APBB2: variants seen among roughly 807,000 people sequenced by gnomAD.
The protein encoded by APBB2 is amyloid beta precursor protein binding family B member 2.
A neutral mutation model predicts 82.5 loss-of-function variants in APBB2; 38 were observed. That is an observed-to-expected ratio of 0.46 (90% CI 0.36 to 0.60). The LOEUF (loss-of-function observed/expected upper bound fraction) is 0.60, where lower values mean the gene tolerates loss of function less well. APBB2 is among the 20% of genes least tolerant of loss of function. The pLI is 0.00. For synonymous variants in APBB2, 341 were observed against 368.2 expected (o/e 0.93, Z 0.85); for missense variants, 772 against 972.3 (o/e 0.79, Z 2.74).
intron 5 of APBB2, among the ~76,000 whole-genome samples, chr4:41,025,368 G>C (rs968665983): frequency 6.6e-6 from 1 of 152,046 alleles, no homozygotes; most frequent in African/African-American, 2.4e-5. Flanking sequence ...AGATGCTGGT[G>C]AGATTGCGGA....
chr4:41,135,628 T>C (rs1488326308), intron 2 of APBB2, among the ~76,000 whole-genome samples: 1 of 152,230 alleles, frequency 6.6e-6, no homozygotes, highest in Admixed American at 6.5e-5. Context: ...TCAGTAATTA[T>C]ATTAAAATAA....
intron 6 of APBB2, among the ~76,000 whole-genome samples, chr4:40,984,070 T>C (rs1414474031): frequency 6.6e-6 from 1 of 152,202 alleles, no homozygotes; most frequent in Non-Finnish European, 1.5e-5. Context: ...GGTTTTGATC[T>C]TTAGAAGCAA....
intron 12 of APBB2, among the ~76,000 whole-genome samples, chr4:40,845,560 C>G (rs1757226818): frequency 9.8e-6 from 1 of 101,656 alleles, no homozygotes; most frequent in Non-Finnish European, 1.9e-5. Context: ...GCATGTGTAA[C>G]TGGAATCCAA....
intron 12 of APBB2, among the ~76,000 whole-genome samples, chr4:40,870,066 G>A (rs1304453051): frequency 6.6e-6 from 1 of 152,010 alleles, no homozygotes. Context: ...CATCATTTTG[G>A]GGGAAGACAT....
intron 1 of APBB2, among the ~76,000 whole-genome samples, chr4:41,165,780 C>T (rs1766370281): frequency 6.6e-6 from 1 of 152,136 alleles, no homozygotes. Flanking sequence ...AGCTTGATCG[C>T]CCAGTAGATA....
intron 10 of APBB2, among the ~76,000 whole-genome samples, chr4:40,908,560 C>A (rs1332015705): frequency 6.6e-6 from 1 of 152,132 alleles, no homozygotes; most frequent in Non-Finnish European, 1.5e-5. Context: ...CGCCTCCTCC[C>A]CTCCTCACAA....
At chr4:41,088,266 T>C (rs985465098) in intron 3 of APBB2, among the ~76,000 whole-genome samples, 5 of 152,172 alleles carry the variant, frequency 3.3e-5, no homozygotes, top group Admixed American at 3.3e-4. Flanking sequence ...GTCAGGAGTA[T>C]TACCTTAGTC....
intron 6 of APBB2, among the ~76,000 whole-genome samples, chr4:40,962,688 A>G (rs1793607946): frequency 1.3e-5 from 2 of 151,858 alleles, no homozygotes; most frequent in South Asian, 2.1e-4. Flanking sequence ...CCTAGATAGT[A>G]TCTATATGAA....
At chr4:41,174,293 A>G (rs919238299) in intron 1 of APBB2, among the ~76,000 whole-genome samples, 34 of 152,326 alleles carry the variant, frequency 2.2e-4, no homozygotes, top group African/African-American at 7.7e-4. Flanking sequence ...CACATATCTG[A>G]TAGTGCAGTT....
chr4:40,834,909 C>A (rs1037402428), intron 12 of APBB2, among the ~76,000 whole-genome samples: 2 of 152,142 alleles, frequency 1.3e-5, no homozygotes, highest in Non-Finnish European at 2.9e-5. Flanking sequence ...TTTGTTACAG[C>A]AACAATAGGA....
intron 6 of APBB2, among the ~76,000 whole-genome samples, chr4:41,001,407 T>C (rs1398751240): frequency 2.0e-5 from 3 of 152,216 alleles, no homozygotes; most frequent in African/African-American, 7.2e-5. Context: ...ATTTATAGGA[T>C]AAAGATCTAC....
intron 12 of APBB2, chr4:40,856,926 C>G (rs1761398307): frequency 1.0e-6 from 1 of 984,306 alleles, no homozygotes; most frequent in Non-Finnish European, 1.2e-6. Flanking sequence ...GTCTCCCGCG[C>G]CCGCCTCGCT....
intron 7 of APBB2, 151 bp from the exon 8 acceptor site, chr4:40,935,290 G>A: frequency 1.6e-6 from 1 of 606,324 alleles, no homozygotes; most frequent in Admixed American, 3.2e-5. Context: ...CAACTTGTTG[G>A]CTCACTCCCT....
At chr4:41,202,439 G>A (rs963820207) in intron 1 of APBB2, among the ~76,000 whole-genome samples, 1 of 152,072 alleles carries the variant, frequency 6.6e-6, no homozygotes, top group Non-Finnish European at 1.5e-5. Context: ...GAACACACAA[G>A]AATTATTTTT....
intron 4 of APBB2, among the ~76,000 whole-genome samples, chr4:41,061,162 C>T (rs998297632): frequency 6.6e-6 from 1 of 152,242 alleles, no homozygotes; most frequent in Non-Finnish European, 1.5e-5. Flanking sequence ...TCCAGATCCT[C>T]ACAGCTGCAG....
At chr4:41,136,631 A>G (rs766889799) in intron 2 of APBB2, among the ~76,000 whole-genome samples, 3 of 152,200 alleles carry the variant, frequency 2.0e-5, no homozygotes, top group Non-Finnish European at 4.4e-5. Context: ...TGAGCCCTCC[A>G]GGAACCAGGA....
At chr4:40,941,581 G>A (rs921129376) in intron 7 of APBB2, among the ~76,000 whole-genome samples, 2 of 152,202 alleles carry the variant, frequency 1.3e-5, no homozygotes, top group East Asian at 3.8e-4. Context: ...TGTAAAATGA[G>A]AAAGACAACT....
intron 1 of APBB2, among the ~76,000 whole-genome samples, chr4:41,182,401 C>T (rs1354615057): frequency 1.3e-5 from 2 of 152,212 alleles, no homozygotes; most frequent in African/African-American, 4.8e-5. Context: ...TGGTTAATCT[C>T]ACAGCTTCAA....
At chr4:41,062,207 T>C (rs1056876474) in intron 4 of APBB2, among the ~76,000 whole-genome samples, 2 of 151,988 alleles carry the variant, frequency 1.3e-5, no homozygotes, top group Admixed American at 1.3e-4. Context: ...AGTTTTGCTC[T>C]TGTCGCCCAG....
Sources: gnomAD v4.1 joint callset for allele counts (sites outside exome capture counted in the v4.1 genomes callset) on GRCh38, gnomAD v4.1.1 for gene constraint, MANE v1.5 for transcripts, NCBI Gene and HGNC (gene_info 2026-07-23, HGNC 2026-07-21) for gene names.